Variants in RBFOX1 observed in about 807,000 individuals in gnomAD.
RBFOX1 encodes the protein RNA binding protein fox-1 homolog 1.
RBFOX1 carries 8 observed loss-of-function variants against 57.7 expected under a neutral mutation model. The observed-to-expected ratio is 0.14, with a 90% CI of 0.08 to 0.25. The LOEUF is 0.25. Among genes scored for constraint, RBFOX1 ranks in the 10% least tolerant of loss-of-function variants. RBFOX1 has a pLI of 1.00. For synonymous variants in RBFOX1, 326 were observed against 222.4 expected (o/e 1.47, Z -4.15); for missense variants, 611 against 548.5 (o/e 1.11, Z -1.14).
intron 3 of RBFOX1, among the ~76,000 whole-genome samples, chr16:5,665,966 A>T (rs2049831444): frequency 6.6e-6 from 1 of 152,244 alleles, no homozygotes; most frequent in Admixed American, 6.5e-5. Flanking sequence ...CGAAATGTCA[A>T]AGGGTGAATG....
chr16:5,844,127 A>G (rs1214631156), intron 3 of RBFOX1, among the ~76,000 whole-genome samples: 2 of 152,188 alleles, frequency 1.3e-5, no homozygotes, highest in Non-Finnish European at 2.9e-5. Flanking sequence ...CTGAGACTAA[A>G]GCTTAGTGTT....
chr16:7,221,380 T>TTTAG (rs2092719669), intron 4 of RBFOX1, among the ~76,000 whole-genome samples: 1 of 151,842 alleles, frequency 6.6e-6, no homozygotes, highest in Non-Finnish European at 1.5e-5. Flanking sequence ...TATTTATTTA[T>TTTAG]TTATGAGACA....
intron 1 of RBFOX1, among the ~76,000 whole-genome samples, chr16:6,156,688 A>G (rs1567578925): frequency 6.6e-6 from 1 of 152,122 alleles, no homozygotes; most frequent in Non-Finnish European, 1.5e-5. Flanking sequence ...CAACTCTGCC[A>G]CTGACCTGAG....
intron 13 of RBFOX1, among the ~76,000 whole-genome samples, chr16:7,668,761 T>C (rs1264642407): frequency 1.3e-5 from 2 of 152,194 alleles, no homozygotes; most frequent in East Asian, 1.9e-4. Flanking sequence ...CTATTATTGC[T>C]TAGTGGTGCA....
chr16:7,649,735 C>G (rs1160540558), intron 11 of RBFOX1, among the ~76,000 whole-genome samples: 1 of 152,186 alleles, frequency 6.6e-6, no homozygotes, highest in Non-Finnish European at 1.5e-5. Flanking sequence ...ACCAGTTACT[C>G]ATCCTAACTG....
chr16:7,135,781 A>G (rs2071762959), intron 4 of RBFOX1, among the ~76,000 whole-genome samples: 1 of 152,196 alleles, frequency 6.6e-6, no homozygotes, highest in African/African-American at 2.4e-5. Flanking sequence ...AACCACATGT[A>G]ATTATTCTGA....
At chr16:6,485,187 C>T (rs1051271223) in intron 2 of RBFOX1, among the ~76,000 whole-genome samples, 3 of 152,188 alleles carry the variant, frequency 2.0e-5, no homozygotes, top group Non-Finnish European at 4.4e-5. Flanking sequence ...CCAGGCTTTT[C>T]ATTTAAAAAG....
chr16:7,236,622 C>T (rs997340266), intron 4 of RBFOX1, among the ~76,000 whole-genome samples: 1 of 152,208 alleles, frequency 6.6e-6, no homozygotes, highest in Non-Finnish European at 1.5e-5. Flanking sequence ...TTGTAGTCAA[C>T]TTCCCAAATC....
intron 1 of RBFOX1, among the ~76,000 whole-genome samples, chr16:5,293,664 T>C (rs1427020557): frequency 6.6e-6 from 1 of 152,132 alleles, no homozygotes; most frequent in South Asian, 2.1e-4. Context: ...TTATTATGTA[T>C]GTTACATGAT....
intron 3 of RBFOX1, among the ~76,000 whole-genome samples, chr16:6,945,423 C>A (rs998329046): frequency 1.3e-5 from 2 of 152,016 alleles, no homozygotes; most frequent in African/African-American, 4.8e-5. Context: ...GAATGTAGAT[C>A]CAATGGTGCC....
chr16:6,488,245 G>C (rs1203506268), intron 2 of RBFOX1, among the ~76,000 whole-genome samples: 9 of 152,200 alleles, frequency 5.9e-5, no homozygotes, highest in Non-Finnish European at 1.3e-4. Flanking sequence ...TTTAGTTGTA[G>C]TCTCTAGTTG....
chr16:7,556,531 T>C (rs947066139), intron 5 of RBFOX1, among the ~76,000 whole-genome samples: 3 of 152,228 alleles, frequency 2.0e-5, no homozygotes, highest in Non-Finnish European at 4.4e-5. Context: ...AACTTTTACC[T>C]TGAATTTCCC....
chr16:6,670,653 C>T (rs1329432850), intron 3 of RBFOX1, among the ~76,000 whole-genome samples: 2 of 152,130 alleles, frequency 1.3e-5, no homozygotes, highest in African/African-American at 4.8e-5. Flanking sequence ...GCCAGGTTAA[C>T]ATGAAATAAG....
intron 3 of RBFOX1, among the ~76,000 whole-genome samples, chr16:6,915,050 G>C (rs564223254): frequency 6.6e-6 from 1 of 152,312 alleles, no homozygotes; most frequent in East Asian, 1.9e-4. Flanking sequence ...GTAGATGAAG[G>C]ATGCAGAACA....
rs547212703 is a variant in RBFOX1, at chr16:5,558,762, C to A, written c.259-40140C>A. ...TGTCTTTGTAGCTTTCTGGCCAAAG[C>A]CCCCAATTCAGATCAAGGTGTGTAA... On this transcript the variant is annotated intron_variant, in intron 2 of 2. Coordinates refer to the RBFOX1 transcript ENST00000585867. Among the ~76,000 whole-genome samples the A allele has an allele frequency of 1.1e-4, 16 of 152,238 alleles. No individual in the cohort carries two copies. The East Asian group carries it at 3.1e-3, about 30-fold the overall frequency.
At chr16:6,860,444 G>A (rs1465686639) in intron 3 of RBFOX1, among the ~76,000 whole-genome samples, 1 of 152,144 alleles carries the variant, frequency 6.6e-6, no homozygotes, top group African/African-American at 2.4e-5. Context: ...CGGGGGCAGC[G>A]GGCGCTCTAC....
chr16:6,840,865 C>G (rs1180965681), intron 3 of RBFOX1, among the ~76,000 whole-genome samples: 2 of 131,170 alleles, frequency 1.5e-5, no homozygotes, highest in African/African-American at 3.0e-5. Flanking sequence ...CTAGCCTGGG[C>G]GACGAAAGTG....
intron 3 of RBFOX1, among the ~76,000 whole-genome samples, chr16:5,783,797 AG>A: frequency 6.6e-6 from 1 of 152,188 alleles, no homozygotes; most frequent in South Asian, 2.1e-4. Flanking sequence ...GTATGTTCCC[AG>A]GGGGCAGGCT....
intron 2 of RBFOX1, among the ~76,000 whole-genome samples, chr16:6,500,798 C>T (rs1441052701): frequency 6.6e-6 from 1 of 151,650 alleles, no homozygotes; most frequent in Non-Finnish European, 1.5e-5. Flanking sequence ...GATATGTGTG[C>T]AGGAGAAAAA....
Sources: allele counts gnomAD v4.1 joint callset (sites outside exome capture counted in the v4.1 genomes callset), GRCh38; gene constraint gnomAD v4.1.1; transcripts MANE v1.5; gene names NCBI Gene and HGNC (gene_info 2026-07-23, HGNC 2026-07-21).